ASTN2: variants seen among roughly 807,000 people sequenced by gnomAD.
ASTN2 encodes the protein astrotactin 2.
In ASTN2, 54 loss-of-function variants were observed where a neutral mutation model predicts 139.8. The ratio of observed to expected loss-of-function variants is 0.39; its 90% CI spans 0.31 to 0.48. The LOEUF is 0.48. Among genes scored for constraint, ASTN2 ranks in the 20% least tolerant of loss-of-function variants. The pLI, the probability that ASTN2 is intolerant of heterozygous loss-of-function variation, is 0.95. For synonymous variants in ASTN2, 756 were observed against 719.5 expected (o/e 1.05, Z -0.81); for missense variants, 1,565 against 1,725.1 (o/e 0.91, Z 1.64).
chr9:116,515,821 A>T (rs1236178892), intron 19 of ASTN2, among the ~76,000 whole-genome samples: 4 of 152,218 alleles, frequency 2.6e-5, no homozygotes, highest in African/African-American at 9.7e-5. Flanking sequence ...AAGATGAAAC[A>T]TTTAAGAATG....
chr9:116,767,336 G>C (rs1217075062), intron 13 of ASTN2, among the ~76,000 whole-genome samples: 2 of 152,200 alleles, frequency 1.3e-5, no homozygotes, highest in African/African-American at 4.8e-5. Flanking sequence ...TGAGAGGAGG[G>C]AGGGGTGGCT....
chr9:117,171,947 T>TA (rs200717852), intron 3 of ASTN2, among the ~76,000 whole-genome samples: 2 of 151,868 alleles, frequency 1.3e-5, no homozygotes, highest in African/African-American at 4.8e-5. Flanking sequence ...ATATCGTAAT[T>TA]AAAAAAAATT....
At chr9:117,258,031 A>G (rs1000555784) in intron 2 of ASTN2, among the ~76,000 whole-genome samples, 24 of 152,164 alleles carry the variant, frequency 1.6e-4, no homozygotes, top group Admixed American at 7.9e-4. Context: ...TTGGCAGCTG[A>G]GGCCAGTAAA....
chr9:117,263,860 C>T (rs755384155), intron 2 of ASTN2, among the ~76,000 whole-genome samples: 7 of 152,150 alleles, frequency 4.6e-5, no homozygotes, highest in South Asian at 2.1e-4. Context: ...CGGTGGGACA[C>T]GTTTATTGAT....
rs557466493 is a variant in ASTN2, at chr9:117,012,420, A to G, written c.1424-4161T>C. 9.2e-5 allele frequency among the ~76,000 whole-genome samples: 14 copies of G among 152,312 alleles called. No individual in the cohort carries two copies. In the South Asian group the frequency reaches 2.9e-3, roughly 32 times the overall value. On this transcript the variant is annotated intron_variant, in intron 6 of 22. Coordinates refer to ENST00000313400, the MANE Select transcript of ASTN2 (RefSeq NM_001365068.1). The stretch of plus-strand genomic sequence containing the variant: ...CCTGAAAAGAAGTAACTTTGTGCCA[A>G]ATTTAATGTAACCATTTACCCAACG...
rs142331602 is a variant in ASTN2, at chr9:116,611,146, A to T, written c.3355+7178T>A. The T allele has an allele frequency of 3.0e-3, 461 of 152,326 alleles. 3 individuals carry two copies. Among genetic ancestry groups the T allele is most frequent in the African/African-American group, 0.011 (437 of 41,586 alleles). The allele number at this position is 152,326 out of a possible 1,614,324, so 9.4% of individuals were successfully genotyped here. ...ACAAAAATTTCTGAAAAAACTCCCA[A>T]ATATTTGAAAACGAAGTGGCATGCC... is the stretch of plus-strand genomic sequence containing the variant. On this transcript the variant is annotated intron_variant, in intron 19 of 22. Transcript: ENST00000313400.
intron 19 of ASTN2, among the ~76,000 whole-genome samples, chr9:116,529,382 T>C (rs999047550): frequency 6.6e-6 from 1 of 152,178 alleles, no homozygotes; most frequent in African/African-American, 2.4e-5. Flanking sequence ...TTCTCCCATT[T>C]GTAATGAGGG....
chr9:116,963,327 A>G (rs937954091), intron 10 of ASTN2, among the ~76,000 whole-genome samples: 2 of 152,208 alleles, frequency 1.3e-5, no homozygotes, highest in African/African-American at 4.8e-5. Flanking sequence ...AAAGGCAAGG[A>G]AAATGGAAAG....
At chr9:116,887,276 A>G (rs1013491044) in intron 10 of ASTN2, among the ~76,000 whole-genome samples, 1 of 152,100 alleles carries the variant, frequency 6.6e-6, no homozygotes, top group Non-Finnish European at 1.5e-5. Context: ...ATGCAAGCAC[A>G]TCGTATAAAG....
intron 3 of ASTN2, among the ~76,000 whole-genome samples, chr9:117,184,321 T>A (rs1415303081): frequency 1.3e-5 from 2 of 152,184 alleles, no homozygotes. Flanking sequence ...GCAGGCAGAC[T>A]GTCTGTCCAT....
intron 22 of ASTN2, among the ~76,000 whole-genome samples, chr9:116,438,406 A>G (rs1847724925): frequency 6.6e-6 from 1 of 151,772 alleles, no homozygotes; most frequent in South Asian, 2.1e-4. Context: ...GCTCCCACTG[A>G]CCTCCCCCTT....
chr9:117,146,847 G>C (rs1830209512), intron 3 of ASTN2, among the ~76,000 whole-genome samples: 1 of 152,172 alleles, frequency 6.6e-6, no homozygotes, highest in Non-Finnish European at 1.5e-5. Flanking sequence ...GCTGTAGGGT[G>C]ACTGTAGTAA....
chr9:117,172,759 A>T (rs1830824370), intron 3 of ASTN2, among the ~76,000 whole-genome samples: 1 of 152,164 alleles, frequency 6.6e-6, no homozygotes, highest in South Asian at 2.1e-4. Context: ...TCAACAATTC[A>T]TTCATCAAGG....
chr9:116,956,059 A>G (rs1219016650), intron 10 of ASTN2, among the ~76,000 whole-genome samples: 1 of 151,352 alleles, frequency 6.6e-6, no homozygotes, highest in African/African-American at 2.4e-5. Context: ...ACCACTGCAG[A>G]CCAACTAATC....
At chr9:117,224,924 A>G (rs2133044124) in intron 2 of ASTN2, among the ~76,000 whole-genome samples, 1 of 152,280 alleles carries the variant, frequency 6.6e-6, no homozygotes, top group African/African-American at 2.4e-5. Flanking sequence ...AGATTGCATC[A>G]TAGTTTGACC....
Position 116,884,811 on chromosome 9 carries a change from C to A in ASTN2, c.1890-21078G>T, listed in dbSNP as rs975684659. Among the ~76,000 whole-genome samples, 15 of 126,414 alleles carry A rather than the reference C, an allele frequency of 1.2e-4. 1 individual carries two copies. The highest frequency in any genetic ancestry group is 1.3e-4 in the Non-Finnish European group (8 of 61,184). The allele number at this position is 126,414 out of a possible 152,430, so 82.9% of individuals were successfully genotyped here. A position where few individuals can be genotyped will look rare whatever the true frequency, so the allele number is the denominator to read the frequency against. On this transcript the variant is annotated intron_variant, in intron 10 of 22. Transcript: ENST00000313400. ...TCAATCTCCAAATATCCGCCCCCCCCCCACCCACTTTTTTTTTTTTTTGAG... is the reference window on the plus strand; with the variant it reads ...TCAATCTCCAAATATCCGCCCCCCCACCACCCACTTTTTTTTTTTTTTGAG...
At chr9:116,719,305 G>C (rs887565654) in intron 16 of ASTN2, among the ~76,000 whole-genome samples, 2 of 152,040 alleles carry the variant, frequency 1.3e-5, no homozygotes, top group Non-Finnish European at 2.9e-5. Flanking sequence ...CAGAAACTAA[G>C]GTACAAAGGG....
intron 2 of ASTN2, among the ~76,000 whole-genome samples, chr9:117,223,642 A>AATGAAGAG (rs1406280080): frequency 6.6e-6 from 1 of 152,222 alleles, no homozygotes; most frequent in East Asian, 1.9e-4. Flanking sequence ...CATGTAATCA[A>AATGAAGAG]ATGAAGAGAT....
intron 20 of ASTN2, among the ~76,000 whole-genome samples, chr9:116,452,206 A>G (rs796116360): frequency 3.3e-5 from 5 of 152,324 alleles, no homozygotes; most frequent in African/African-American, 9.6e-5. Flanking sequence ...CTCTGAAGCA[A>G]ATTGTAGGCT....
Sources: allele counts gnomAD v4.1 joint callset (sites outside exome capture counted in the v4.1 genomes callset), GRCh38; gene constraint gnomAD v4.1.1; transcripts MANE v1.5; gene names NCBI Gene and HGNC (gene_info 2026-07-23, HGNC 2026-07-21).